The following NOL4 variants were observed in gnomAD, a reference collection of about 807,000 sequenced individuals.
The protein encoded by NOL4 is nucleolar protein 4.
Under a neutral mutation model 75.9 loss-of-function variants are expected in NOL4, and 17 were observed. The ratio of observed to expected loss-of-function variants is 0.22; its 90% CI spans 0.15 to 0.34. The LOEUF is 0.34. Ranked by LOEUF, NOL4 falls within the 10% of genes least tolerant of loss-of-function variation. The pLI is 1.00. For synonymous variants in NOL4, 292 were observed against 289.9 expected, an observed-to-expected ratio of 1.01 and a Z score of -0.07; for missense variants, 614 against 793.5, an observed-to-expected ratio of 0.77 and a Z score of 2.72.
At chr18:33,896,355 G>C (rs1266572041) in intron 9 of NOL4, among the ~76,000 whole-genome samples, 3 of 151,874 alleles carry the variant, frequency 2.0e-5, no homozygotes, top group Non-Finnish European at 4.4e-5. Context: ...AACAAAGCTG[G>C]AGGCATCAGA....
At chr18:34,112,149 A>G (rs4355005) in intron 2 of NOL4, among the ~76,000 whole-genome samples, 23,965 of 151,996 alleles carry the variant, frequency 0.16, 2,141 homozygotes, top group African/African-American at 0.23. Flanking sequence ...CAGGTGAATC[A>G]CCAGAGGTCA....
rs770875644 is a variant in NOL4 at position 34,223,086 on chromosome 18, C to T, written c.168G>A (p.Trp56Ter). 2 of 1,614,112 alleles carry T rather than the reference C, an allele frequency of 1.2e-6. No individual in the cohort carries two copies. The highest frequency in any genetic ancestry group is 1.1e-5 in the South Asian group (1 of 91,084). The change falls in exon 1 of 11, where the codon TGG becomes TGA. Residue 56 changes from tryptophan to a stop codon, truncating the protein, a stop_gained. Coordinates refer to ENST00000261592, the MANE Select transcript of NOL4 (RefSeq NM_003787.5). LOFTEE classifies it high-confidence loss of function. ...CCAGCTGGAAGCCCTTCGATTTGAC[C>T]CAGAATTTAAATTTGGCGTTGTCCG... Reference protein sequence around the residue: ...SSTDNAKFKFWVKSKGFQLGQ... With the variant: ...SSTDNAKFKF
chr18:34,091,607 G>A (rs912942768), intron 5 of NOL4, among the ~76,000 whole-genome samples: 8 of 152,058 alleles, frequency 5.3e-5, no homozygotes, highest in African/African-American at 1.7e-4. Context: ...AAATGACTCA[G>A]TCTCAGGTAT....
intron 5 of NOL4, among the ~76,000 whole-genome samples, chr18:34,076,851 G>A (rs1054813891): frequency 2.6e-5 from 4 of 152,154 alleles, no homozygotes; most frequent in Non-Finnish European, 4.4e-5. Flanking sequence ...TTATAATAAA[G>A]TAGAAAATGT....
intron 1 of NOL4, among the ~76,000 whole-genome samples, chr18:34,207,041 A>G (rs147413091): frequency 1.1e-4 from 16 of 152,200 alleles, no homozygotes; most frequent in African/African-American, 3.6e-4. Flanking sequence ...TTTTAATTCA[A>G]ATATTGACAT....
chr18:33,942,024 C>A (rs2068524417), intron 9 of NOL4, among the ~76,000 whole-genome samples: 1 of 151,904 alleles, frequency 6.6e-6, no homozygotes, highest in East Asian at 1.9e-4. Context: ...TCTTTTGTGG[C>A]ATTTAGAATT....
intron 6 of NOL4, among the ~76,000 whole-genome samples, chr18:33,992,917 G>A (rs996145083): frequency 1.3e-5 from 2 of 151,974 alleles, no homozygotes; most frequent in African/African-American, 2.4e-5. Flanking sequence ...CTTACTAAAG[G>A]AACTAAATTA....
intron 5 of NOL4, among the ~76,000 whole-genome samples, chr18:34,077,271 G>A (rs1264364902): frequency 6.6e-6 from 1 of 152,088 alleles, no homozygotes; most frequent in Non-Finnish European, 1.5e-5. Context: ...TCATGCTACT[G>A]CACTCCAGCC....
intron 5 of NOL4, among the ~76,000 whole-genome samples, chr18:34,073,461 T>C (rs529929346): frequency 6.6e-6 from 1 of 152,104 alleles, no homozygotes; most frequent in Non-Finnish European, 1.5e-5. Context: ...TACTCCAGTA[T>C]ACTTTAAATC....
chr18:34,072,927 T>C (rs1323694897), intron 5 of NOL4, among the ~76,000 whole-genome samples: 2 of 152,136 alleles, frequency 1.3e-5, no homozygotes, highest in African/African-American at 4.8e-5. Flanking sequence ...TCAAAACATG[T>C]GTAAGGAAGC....
chr18:34,210,378 T>G (rs1436149118), intron 1 of NOL4, among the ~76,000 whole-genome samples: 1 of 152,226 alleles, frequency 6.6e-6, no homozygotes, highest in Non-Finnish European at 1.5e-5. Context: ...CACCCTTATT[T>G]TGAGTCTTTG....
At chr18:33,934,224 T>C (rs1355093192) in intron 9 of NOL4, among the ~76,000 whole-genome samples, 1 of 152,020 alleles carries the variant, frequency 6.6e-6, no homozygotes, top group African/African-American at 2.4e-5. Context: ...TCTAAACAGA[T>C]GTGCAATCAT....
At chr18:34,221,723 C>T in intron 1 of NOL4, 1 of 269,446 alleles carries the variant, frequency 3.7e-6, no homozygotes, top group Non-Finnish European at 6.9e-6. Context: ...ACAACTATTT[C>T]TAATTAATCT....
intron 9 of NOL4, among the ~76,000 whole-genome samples, chr18:33,915,187 ATAGACCATTGG>A: frequency 6.6e-6 from 1 of 152,140 alleles, no homozygotes; most frequent in East Asian, 1.9e-4. Flanking sequence ...GAACTAAGAA[ATAGACCATTGG>A]CTCTAGAAAT....
chr18:34,202,124 A>G (rs2035785942), intron 1 of NOL4, among the ~76,000 whole-genome samples: 1 of 151,890 alleles, frequency 6.6e-6, no homozygotes, highest in African/African-American at 2.4e-5. Flanking sequence ...ATTTGTATTG[A>G]CCTAAAAGAA....
intron 10 of NOL4, among the ~76,000 whole-genome samples, chr18:33,876,457 T>C (rs953350923): frequency 6.6e-6 from 1 of 152,030 alleles, no homozygotes; most frequent in Admixed American, 6.6e-5. Context: ...TCTCTACAAA[T>C]CCTAAACTCA....
chr18:34,080,453 T>C lies in NOL4; in HGVS notation c.772+13012A>G, dbSNP rs187274121. ...GTAAATGACTTTATTATCTAATAAG[T>C]TCCTATAGACTCCGATGTTAATAAG... is the stretch of plus-strand genomic sequence containing the variant. On this transcript the variant is annotated intron_variant, in intron 5 of 10. Coordinates refer to ENST00000261592, the MANE Select transcript of NOL4 (RefSeq NM_003787.5). Among the ~76,000 whole-genome samples the C allele has an allele frequency of 2.0e-3, 312 of 152,232 alleles. 6 individuals are homozygous for C. The highest frequency in any genetic ancestry group is 7.0e-3 in the African/African-American group (291 of 41,544).
chr18:33,925,377 T>C (rs747231043), intron 9 of NOL4, among the ~76,000 whole-genome samples: 2 of 152,122 alleles, frequency 1.3e-5, no homozygotes, highest in Non-Finnish European at 1.5e-5. Context: ...ATCTTGTATT[T>C]TAAAAAAACT....
chr18:33,992,829 A>G (rs1284764191), intron 6 of NOL4, among the ~76,000 whole-genome samples: 1 of 152,046 alleles, frequency 6.6e-6, no homozygotes, highest in Non-Finnish European at 1.5e-5. Context: ...GTTGGAGAGA[A>G]GTACGTCATT....
Sources: allele counts gnomAD v4.1 joint callset (sites outside exome capture counted in the v4.1 genomes callset), GRCh38; gene constraint gnomAD v4.1.1; transcripts MANE v1.5; gene names NCBI Gene and HGNC (gene_info 2026-07-23, HGNC 2026-07-21).